PPIP5K2: variants seen among roughly 807,000 people sequenced by gnomAD.
PPIP5K2 encodes the protein inositol hexakisphosphate and diphosphoinositol-pentakisphosphate kinase 2.
A neutral mutation model predicts 154.6 loss-of-function variants in PPIP5K2; 105 were observed. That is an observed-to-expected ratio of 0.68 (90% CI 0.58 to 0.80). The LOEUF is 0.80. PPIP5K2 is among the 30% of genes least tolerant of loss of function. PPIP5K2 has a pLI of 0.00. For missense variants in PPIP5K2, 992 were observed against 1,504.6 expected (o/e 0.66, Z 5.64); for synonymous variants, 480 against 490.3 (o/e 0.98, Z 0.28).
intron 23 of PPIP5K2, among the ~76,000 whole-genome samples, chr5:103,179,259 T>C (rs1414339803): frequency 6.6e-6 from 1 of 152,028 alleles, no homozygotes; most frequent in Non-Finnish European, 1.5e-5. Context: ...CTCAGTTTAT[T>C]TTCTTTTGGC....
rs1798200809 is a variant in PPIP5K2 at position 103,173,074 on chromosome 5, A to G, written c.2287-81A>G. On this transcript the variant is annotated intron_variant, in intron 19 of 30. Transcript: ENST00000358359. ...AGGCTTGATAAAATATTTGTCTCTC[A>G]CTAGACTAATTTAGGAGTGTATTTT... 6 of 1,171,746 alleles carry G rather than the reference A, an allele frequency of 5.1e-6. No individual in the cohort carries two copies. The Admixed American group carries it at 1.8e-4, about 35-fold the overall frequency. 72.6% of individuals were successfully genotyped at this position (1,171,746 alleles called of 1,614,324 possible). A position where few individuals can be genotyped will look rare whatever the true frequency, so the allele number is the denominator to read the frequency against.
rs369984882 is a variant in PPIP5K2 at position 103,156,017 on chromosome 5, A to T, written c.1489+23A>T. ...AGGGTATGTTATTCTTAATGCTTAT[A>T]CAGTAGTTTTATATGTAGTAACTTG... On this transcript the variant is annotated intron_variant, in intron 14 of 30. Transcript: ENST00000358359. 645 of 1,466,660 alleles carry T rather than the reference A, an allele frequency of 4.4e-4. 1 individual carries two copies. The highest frequency in any genetic ancestry group is 5.8e-4 in the Non-Finnish European group (604 of 1,047,798). The allele number at this position is 1,466,660 out of a possible 1,614,324, so 90.9% of individuals were successfully genotyped here. A position where few individuals can be genotyped will look rare whatever the true frequency, so the allele number is the denominator to read the frequency against.
Position 103,201,627 on chromosome 5 carries a change from A to T in PPIP5K2, c.3725A>T (p.Lys1242Met). The T allele has an allele frequency of 6.3e-7, 1 of 1,589,928 alleles. No homozygotes were observed. The highest frequency in any genetic ancestry group is 8.6e-7 in the Non-Finnish European group (1 of 1,163,494). The change falls in exon 31 of 31, where the codon AAG (lysine) becomes ATG (methionine). Residue 1242 changes from lysine (K) to methionine (M), a missense_variant. Lys to Met is a moderately conservative substitution (Grantham distance 95, BLOSUM62 -1). Coordinates refer to ENST00000358359, the MANE Select transcript of PPIP5K2 (RefSeq NM_001276277.3). ...GAACACAAAAAAAACACTGGGAAAA[A>T]GAAATGAAATCTTAGCAGAAGCTGG... ...THEHKKNTGK[K>M]K is the part of the protein sequence containing the mutation.
In PPIP5K2 at chr5:103,137,364, G is replaced by A. The variant is rs940301077; in HGVS notation, c.401+542G>A. Among the ~76,000 whole-genome samples, 26 of 151,960 alleles carry A rather than the reference G, an allele frequency of 1.7e-4. 1 individual carries two copies. The highest frequency in any genetic ancestry group is 1.2e-3 in the Admixed American group (18 of 15,254). On this transcript the variant is annotated intron_variant, in intron 4 of 30. Coordinates refer to ENST00000358359, the MANE Select transcript of PPIP5K2 (RefSeq NM_001276277.3). ...TTTTTAGTAGAGACAGGGTTTCACC[G>A]TGTTAGCCAGGATGGTCTCGATCTC... is the stretch of plus-strand genomic sequence containing the variant.
intron 6 of PPIP5K2, 116 bp from the exon 7 acceptor site, chr5:103,147,815 T>G (rs1349849780): frequency 1.5e-6 from 1 of 646,872 alleles, no homozygotes; most frequent in African/African-American, 1.9e-5. Context: ...GATTAAAAAA[T>G]GTATTTGAAA....
Position 103,167,258 on chromosome 5 carries a change from A to G in PPIP5K2, c.2000A>G (p.Tyr667Cys). 1.9e-6 allele frequency: 3 copies of G among 1,597,028 alleles called. No individual in the cohort carries two copies. Among genetic ancestry groups the G allele is most frequent in the Non-Finnish European group, 2.6e-6 (3 of 1,171,308 alleles). ...CCTGTGAAGACCTGTGATAAAGTTTATTCCTTAATTCAGAGTTTGACTTCT... is the reference window on the plus strand; with the variant it reads ...CCTGTGAAGACCTGTGATAAAGTTTGTTCCTTAATTCAGAGTTTGACTTCT... ...KNPVKTCDKVYSLIQSLTSQI... is the reference protein window; with the variant it reads ...KNPVKTCDKVCSLIQSLTSQI... The change falls in exon 18 of 31, where the codon TAT becomes TGT. Residue 667 changes from tyrosine to cysteine, a missense_variant. Around this residue, in one of 9 missense-constraint regions of PPIP5K2, gnomAD observed 82 missense variants for 91.8 expected, o/e 0.89. Transcript: ENST00000358359.
In PPIP5K2 at chr5:103,186,433, A is replaced by G. The variant is rs1800394651; in HGVS notation, c.3283A>G (p.Ile1095Val). 1.2e-5 allele frequency: 20 copies of G among 1,613,766 alleles called. No individual in the cohort carries two copies. Among genetic ancestry groups the G allele is most frequent in the Non-Finnish European group, 1.6e-5 (19 of 1,179,838 alleles). The change falls in exon 27 of 31, where the codon ATA (isoleucine) becomes GTA (valine). Residue 1095 changes from isoleucine to valine, a missense_variant. Ile to Val is a conservative substitution (Grantham distance 29). Coordinates refer to ENST00000358359, the MANE Select transcript of PPIP5K2 (RefSeq NM_001276277.3). ...TAAAAAGCTGACCTCTTCTGGCTGC[A>G]TAGATGGTATGTGCACACATGCACA... ...HRKKLTSSGC[I>V]DDATRGSAVK...
At chr5:103,165,540 A>G (rs1038981610) in intron 17 of PPIP5K2, among the ~76,000 whole-genome samples, 16 of 152,258 alleles carry the variant, frequency 1.1e-4, no homozygotes, top group African/African-American at 3.8e-4. Context: ...GTAAGACATC[A>G]GTTTGAAGAG....
Position 103,152,699 on chromosome 5 carries a change from A to G in PPIP5K2, c.1080A>G (p.Ile360Met). The G allele has an allele frequency of 1.3e-6, 2 of 1,597,074 alleles. No individual in the cohort carries two copies. Among genetic ancestry groups the G allele is most frequent in the Non-Finnish European group, 1.7e-6 (2 of 1,165,064 alleles). The part of the protein sequence containing the change: ...LAPQFHIPWS[I>M]PLEAEDIPIV... The stretch of plus-strand genomic sequence containing the variant: ...CACAATTTCATATTCCATGGTCAAT[A>G]CCCTTAGAAGCTGAAGATATCCCAA... Residue 360 changes from isoleucine to methionine, a missense_variant, in exon 10 of 31, where the codon ATA (isoleucine) becomes ATG (methionine). By Grantham distance (10) the Ile-to-Met change is conservative. Coordinates refer to ENST00000358359, the MANE Select transcript of PPIP5K2 (RefSeq NM_001276277.3).
chr5:103,189,002 T>C, intron 28 of PPIP5K2: 1 of 522,716 alleles, frequency 1.9e-6, no homozygotes, highest in Non-Finnish European at 3.3e-6. Flanking sequence ...CTATGAATTG[T>C]CATTTGACTC....
In PPIP5K2 at chr5:103,159,323, G is replaced by T; in HGVS notation, c.1915G>T (p.Glu639Ter). ...CAGAGATTTTACTGCTGAAGATTAT[G>T]AAAAGGTGGGTCTTAGCAAACTCTT... The part of the protein sequence containing the change: ...KDRDFTAEDY[E>*]KLTPSGSISL... The change falls in exon 17 of 31, where the codon GAA becomes TAA. Residue 639 changes from glutamate (E) to a stop codon, truncating the protein, a stop_gained. Transcript: ENST00000358359. LOFTEE classifies it high-confidence loss of function. The T allele has an allele frequency of 6.2e-7, 1 of 1,603,582 alleles. No individual in the cohort carries two copies. Among genetic ancestry groups the T allele is most frequent in the Non-Finnish European group, 8.5e-7 (1 of 1,176,240 alleles).
At chr5:103,136,850 G>A (rs1791586017) in intron 4 of PPIP5K2, 28 bp downstream of exon 4, 2 of 1,536,062 alleles carry the variant, frequency 1.3e-6, no homozygotes. Context: ...CTGAATTAAG[G>A]GAAGGAAAAA....
chr5:103,174,643 A>G (rs141517181), intron 21 of PPIP5K2, among the ~76,000 whole-genome samples: 206 of 152,132 alleles, frequency 1.4e-3, no homozygotes, highest in South Asian at 3.1e-3. Context: ...TGAGCTTCCT[A>G]TGAGAGCAAG....
chr5:103,149,480 T>A (rs1257850692), intron 8 of PPIP5K2, among the ~76,000 whole-genome samples, 167 bp downstream of exon 8: 1 of 152,188 alleles, frequency 6.6e-6, no homozygotes, highest in African/African-American at 2.4e-5. Flanking sequence ...GCCAATATAT[T>A]CTTTTGTATT....
chr5:103,157,077 T>C (rs1246154111), intron 14 of PPIP5K2, among the ~76,000 whole-genome samples: 3 of 152,184 alleles, frequency 2.0e-5, no homozygotes, highest in Admixed American at 6.5e-5. Flanking sequence ...AAATTAATAT[T>C]GGTCTACATG....
chr5:103,137,396 T>C (rs1791710944), intron 4 of PPIP5K2, among the ~76,000 whole-genome samples: 1 of 152,048 alleles, frequency 6.6e-6, no homozygotes, highest in Non-Finnish European at 1.5e-5. Flanking sequence ...TCTCCTGACC[T>C]TGTGATCCGC....
Position 103,120,399 on chromosome 5 carries a change from C to G in PPIP5K2, c.-374C>G. 1 of 456,718 alleles carries G rather than the reference C, an allele frequency of 2.2e-6. No homozygotes were observed. Among genetic ancestry groups the G allele is most frequent in the Non-Finnish European group, 4.4e-6 (1 of 226,918 alleles). The allele number at this position is 456,718 out of a possible 1,614,324, so 28.3% of individuals were successfully genotyped here. ...CTGAAGTCTCTTGACAAACACCTCA[C>G]CCCTGCCTCCGGGATGAAAGGGGGT... On this transcript the variant is annotated 5_prime_UTR_variant, in exon 1 of 31. Transcript: ENST00000358359.
intron 17 of PPIP5K2, among the ~76,000 whole-genome samples, chr5:103,165,716 G>A (rs994338709): frequency 1.1e-4 from 16 of 152,052 alleles, no homozygotes; most frequent in Non-Finnish European, 7.4e-5. Flanking sequence ...TGGATAACTC[G>A]TTTTAAGATG....
At position 103,120,477 on chromosome 5, in the gene PPIP5K2, C is replaced by T. The variant is rs2149410852; in HGVS notation, c.-296C>T. ...CTCACAACTGCTCGCGTGACGACCG[C>T]ATTCGTGGCAGGTGAGGGCCCAAAA... On this transcript the variant is annotated 5_prime_UTR_variant, in exon 1 of 31. Coordinates refer to ENST00000358359, the MANE Select transcript of PPIP5K2 (RefSeq NM_001276277.3). The T allele has an allele frequency of 2.2e-6, 1 of 456,718 alleles. No individual in the cohort carries two copies. Among genetic ancestry groups the T allele is most frequent in the South Asian group, 1.5e-5 (1 of 64,570 alleles). The allele number at this position is 456,718 out of a possible 1,614,324, so 28.3% of individuals were successfully genotyped here. A position where few individuals can be genotyped will look rare whatever the true frequency, so the allele number is the denominator to read the frequency against.
Sources: gnomAD v4.1 joint callset for allele counts (sites outside exome capture counted in the v4.1 genomes callset) on GRCh38, gnomAD v4.1.1 for gene constraint, gnomAD v4.1.1 regional missense constraint, MANE v1.5 for transcripts, NCBI Gene and HGNC (gene_info 2026-07-23, HGNC 2026-07-21) for gene names.